Variants in CD83 observed in about 807,000 individuals in gnomAD.
CD83 encodes the protein CD83 molecule.
In CD83, 22 loss-of-function variants were observed where a neutral mutation model predicts 24.6. The ratio of observed to expected loss-of-function variants is 0.90; its 90% confidence interval spans 0.64 to 1.28. The LOEUF is 1.28. CD83 is among the 50% of genes most tolerant of loss of function. CD83 has a pLI of 0.00. For missense variants in CD83, 253 were observed against 252.8 expected, an observed-to-expected ratio of 1.00 and a Z score of -0.01; for synonymous variants, 101 against 103.5, an observed-to-expected ratio of 0.98 and a Z score of 0.14.
intron 4 of CD83, among the ~76,000 whole-genome samples, chr6:14,134,750 G>A (rs1410425549): frequency 1.3e-5 from 2 of 152,262 alleles, no homozygotes; most frequent in Non-Finnish European, 2.9e-5. Flanking sequence ...CTTACAGTTA[G>A]GATGTTAGGG....
At chr6:14,125,414 G>A (rs1759780516) in intron 2 of CD83, among the ~76,000 whole-genome samples, 1 of 152,214 alleles carries the variant, frequency 6.6e-6, no homozygotes, top group Non-Finnish European at 1.5e-5. Context: ...GAGCAGAAGT[G>A]TTTCAGATTT....
chr6:14,131,387 A>T, intron 2 of CD83, 133 bp from the exon 3 acceptor site: 1 of 664,150 alleles, frequency 1.5e-6, no homozygotes. Context: ...GAGGTCACAC[A>T]CACACAAAAG....
At chr6:14,122,489 G>A (rs898149554) in intron 2 of CD83, among the ~76,000 whole-genome samples, 3 of 152,188 alleles carry the variant, frequency 2.0e-5, no homozygotes, top group East Asian at 1.9e-4. Context: ...GCCCATGGAA[G>A]GAGCCAGTAC....
intron 2 of CD83, among the ~76,000 whole-genome samples, chr6:14,119,138 T>G (rs1759613871): frequency 6.6e-6 from 1 of 152,368 alleles, no homozygotes; most frequent in South Asian, 2.1e-4. Flanking sequence ...AGTGGCTGTA[T>G]CCATACTTCT....
Position 14,136,507 on chromosome 6 carries a change from C to T in CD83, c.*1271C>T, listed in dbSNP as rs986440180. 2 of 152,224 alleles carry T rather than the reference C, an allele frequency of 1.3e-5. No homozygotes were observed. Among genetic ancestry groups the T allele is most frequent in the Non-Finnish European group, 2.9e-5 (2 of 68,056 alleles). The allele number at this position is 152,224 out of a possible 1,614,324, so 9.4% of individuals were successfully genotyped here. A position where few individuals can be genotyped will look rare whatever the true frequency, so the allele number is the denominator to read the frequency against. ...GCATGGATGTTTTAGCCATTGTTGG[C>T]TTTCCCTTATCAAACTTGGGCCCTT... On this transcript the variant is annotated 3_prime_UTR_variant, in exon 5 of 5. Transcript: ENST00000379153.
intron 2 of CD83, among the ~76,000 whole-genome samples, chr6:14,124,972 C>T (rs749073134): frequency 1.1e-4 from 16 of 152,162 alleles, no homozygotes; most frequent in Non-Finnish European, 2.1e-4. Flanking sequence ...CACACACTGA[C>T]ACAGACAACA....
At chr6:14,125,977 C>T (rs1032286934) in intron 2 of CD83, among the ~76,000 whole-genome samples, 1 of 152,164 alleles carries the variant, frequency 6.6e-6, no homozygotes, top group African/African-American at 2.4e-5. Flanking sequence ...AGAATAATTT[C>T]TATTACCAGC....
intron 2 of CD83, among the ~76,000 whole-genome samples, chr6:14,118,833 T>A (rs1759604965): frequency 6.6e-6 from 1 of 152,244 alleles, no homozygotes; most frequent in Admixed American, 6.5e-5. Flanking sequence ...CAGCTACTGT[T>A]TGATATCACT....
At chr6:14,117,596 GCGGGGA>G, upstream of CD83, 1 of 151,710 alleles carries the variant, frequency 6.6e-6, no homozygotes, top group Non-Finnish European at 1.4e-5. This position sits in a 1 kb window ranked among gnomAD's most constrained non-coding sequence, Gnocchi z 4.6. Flanking sequence ...TGCGACGGGG[GCGGGGA>G]CGGGGGCGGG....
At chr6:14,127,871 A>C (rs1353375558) in intron 2 of CD83, among the ~76,000 whole-genome samples, 2 of 152,198 alleles carry the variant, frequency 1.3e-5, no homozygotes, top group South Asian at 2.1e-4. Flanking sequence ...GATTGGGATG[A>C]GTGTTTTGAG....
intron 2 of CD83, among the ~76,000 whole-genome samples, chr6:14,128,678 C>T (rs751412413): frequency 1.3e-5 from 2 of 152,164 alleles, no homozygotes; most frequent in Non-Finnish European, 2.9e-5. Context: ...CCACTGGTGG[C>T]AGCACATCAG....
chr6:14,133,596 A>G (rs1581335044), intron 3 of CD83, 53 bp from the exon 4 acceptor site: 5 of 1,228,596 alleles, frequency 4.1e-6, no homozygotes, highest in East Asian at 2.3e-5. Context: ...GCTTTTTTTC[A>G]TGGTAGAAAA....
intron 2 of CD83, among the ~76,000 whole-genome samples, chr6:14,119,666 A>G (rs1759626613): frequency 6.6e-6 from 1 of 152,222 alleles, no homozygotes; most frequent in African/African-American, 2.4e-5. Flanking sequence ...TTCTCCCTTA[A>G]TAACTTAAGA....
upstream of CD83, chr6:14,117,663 A>C: frequency 2.0e-6 from 1 of 496,676 alleles, no homozygotes. This position sits in a 1 kb window ranked among gnomAD's most constrained non-coding sequence, Gnocchi z 4.6. Flanking sequence ...AAGCGGGACT[A>C]GGAGGGCGCG....
chr6:14,135,773 A>T lies in CD83; in HGVS notation c.*537A>T, dbSNP rs1247785689. On this transcript the variant is annotated 3_prime_UTR_variant, in exon 5 of 5. Coordinates refer to ENST00000379153, the MANE Select transcript of CD83 (RefSeq NM_004233.4). ...GAAGGTCCTGCTATTACTAAGGAGTAATCTGTGTACAAAGAAATAACAAGT... is the reference window on the plus strand; with the variant it reads ...GAAGGTCCTGCTATTACTAAGGAGTTATCTGTGTACAAAGAAATAACAAGT... The T allele has an allele frequency of 6.5e-6, 1 of 152,738 alleles. No individual in the cohort carries two copies. Among genetic ancestry groups the T allele is most frequent in the Non-Finnish European group, 1.5e-5 (1 of 68,398 alleles). The allele number at this position is 152,738 out of a possible 1,614,324, so 9.5% of individuals were successfully genotyped here. A position where few individuals can be genotyped will look rare whatever the true frequency, so the allele number is the denominator to read the frequency against.
chr6:14,125,692 G>A (rs1379176761), intron 2 of CD83, among the ~76,000 whole-genome samples: 2 of 152,162 alleles, frequency 1.3e-5, no homozygotes, highest in Non-Finnish European at 2.9e-5. Context: ...GGCCCCACGG[G>A]ATGCTAATAG....
chr6:14,118,134 C>T, intron 2 of CD83, 69 bp downstream of exon 2: 3 of 1,168,322 alleles, frequency 2.6e-6, no homozygotes, highest in South Asian at 2.9e-5. Flanking sequence ...ACCATCTCCC[C>T]TAGGCTGGCG....
chr6:14,128,553 G>A (rs752416283), intron 2 of CD83, among the ~76,000 whole-genome samples: 25 of 152,140 alleles, frequency 1.6e-4, no homozygotes, highest in Non-Finnish European at 3.5e-4. Context: ...GGCAAACAGC[G>A]CTGTTCATTG....
intron 4 of CD83, among the ~76,000 whole-genome samples, chr6:14,134,107 G>A (rs944630252): frequency 5.9e-5 from 9 of 152,224 alleles, no homozygotes; most frequent in African/African-American, 9.6e-5. Flanking sequence ...CAGAGGCCCC[G>A]CTCTTCCTGT....
Sources: gnomAD v4.1 joint callset for allele counts (sites outside exome capture counted in the v4.1 genomes callset) on GRCh38, gnomAD v4.1.1 for gene constraint, Gnocchi (gnomAD v3.1) non-coding constraint, MANE v1.5 for transcripts, NCBI Gene and HGNC (gene_info 2026-07-23, HGNC 2026-07-21) for gene names.